Variants in SAMD13 observed in about 807,000 individuals in gnomAD.
SAMD13 encodes the protein sterile alpha motif domain containing 13.
Under a neutral mutation model 12.4 loss-of-function variants are expected in SAMD13, and 9 were observed. That is an observed-to-expected ratio of 0.72 (90% CI 0.44 to 1.26). The LOEUF is 1.26. SAMD13 is among the 50% of genes most tolerant of loss of function. SAMD13 has a pLI of 0.00. For synonymous variants in SAMD13, 46 were observed against 45.4 expected (o/e 1.01, Z -0.05); for missense variants, 84 against 119.6 (o/e 0.70, Z 1.39).
At chr1:84,343,957 T>C (rs888484293) in intron 3 of SAMD13, among the ~76,000 whole-genome samples, 8 of 152,310 alleles carry the variant, frequency 5.3e-5, no homozygotes, top group Admixed American at 3.9e-4. Context: ...GTAAATCTAC[T>C]ATTTTGAAAA....
At chr1:84,299,677 T>TATATATATA (rs768200933), upstream of SAMD13, 72 of 319,460 alleles carry the variant, frequency 2.3e-4, no homozygotes, top group East Asian at 1.1e-3. Context: ...ATATATATAT[T>TATATATATA]TATTTATTTA....
chr1:84,312,633 G>A (rs1678739964), intron 2 of SAMD13, among the ~76,000 whole-genome samples: 2 of 152,050 alleles, frequency 1.3e-5, no homozygotes, highest in Non-Finnish European at 2.9e-5. Context: ...TACTACCAGA[G>A]AGGACACATG....
At chr1:84,308,341 G>T (rs920299522) in intron 2 of SAMD13, among the ~76,000 whole-genome samples, 7 of 152,110 alleles carry the variant, frequency 4.6e-5, no homozygotes, top group African/African-American at 1.7e-4. Context: ...TAGTCTTAAG[G>T]CTATGTTGTG....
intron 3 of SAMD13, among the ~76,000 whole-genome samples, chr1:84,347,171 A>C (rs572337583): frequency 6.6e-6 from 1 of 152,348 alleles, no homozygotes; most frequent in South Asian, 2.1e-4. Flanking sequence ...GCCTGACTGT[A>C]AGCTTCATTT....
intron 2 of SAMD13, among the ~76,000 whole-genome samples, chr1:84,321,454 A>T (rs1678942272): frequency 1.3e-5 from 2 of 152,140 alleles, no homozygotes; most frequent in South Asian, 4.1e-4. Context: ...TTTTGCTATG[A>T]CGTTAGTGAA....
intron 3 of SAMD13, among the ~76,000 whole-genome samples, chr1:84,344,025 G>A (rs1442861595): frequency 6.7e-6 from 1 of 149,824 alleles, no homozygotes; most frequent in Non-Finnish European, 1.5e-5. Flanking sequence ...TGGGCCTTAT[G>A]TATTTTCCTT....
intron 3 of SAMD13, among the ~76,000 whole-genome samples, chr1:84,338,022 C>T (rs1461240713): frequency 6.6e-6 from 1 of 152,164 alleles, no homozygotes; most frequent in African/African-American, 2.4e-5. Context: ...CATCTGAGAC[C>T]ACCTCAGCCT....
intron 1 of SAMD13, chr1:84,302,900 G>T: frequency 4.1e-6 from 1 of 246,378 alleles, no homozygotes; most frequent in South Asian, 6.7e-5. Flanking sequence ...TGAGAGCTAG[G>T]CACCCAGAAG....
At chr1:84,348,505 T>C (rs955268430) in intron 3 of SAMD13, among the ~76,000 whole-genome samples, 1 of 150,756 alleles carries the variant, frequency 6.6e-6, no homozygotes, top group African/African-American at 2.4e-5. Flanking sequence ...TCACCGACCA[T>C]GCACAGCTGG....
At chr1:84,349,602 G>T (rs754064294) in intron 3 of SAMD13, 29 bp from the exon 4 acceptor site, 3 of 1,605,832 alleles carry the variant, frequency 1.9e-6, no homozygotes, top group Non-Finnish European at 2.6e-6. Context: ...GGACTCACAT[G>T]TTGGCTTTAC....
intron 3 of SAMD13, among the ~76,000 whole-genome samples, chr1:84,332,965 G>T (rs1679223137): frequency 6.6e-6 from 1 of 152,118 alleles, no homozygotes; most frequent in Non-Finnish European, 1.5e-5. Flanking sequence ...AGTTCTCCCA[G>T]CACCATTTGT....
At position 84,338,531 on chromosome 1, in the gene SAMD13, G is replaced by A. The variant is rs568676086; in HGVS notation, c.166-11100G>A. Among the ~76,000 whole-genome samples, 10 of 148,170 alleles carry A rather than the reference G, an allele frequency of 6.7e-5. No individual in the cohort carries two copies. The East Asian group carries it at 1.2e-3, about 18-fold the overall frequency. On this transcript the variant is annotated intron_variant, in intron 3 of 3. Coordinates refer to ENST00000394834, the MANE Select transcript of SAMD13 (RefSeq NM_001134663.2). The stretch of plus-strand genomic sequence containing the variant: ...CAGCTCACTCCAACCTCTGCCTCCC[G>A]GGTTCAAGTGATTCCCCTGCCTCAG...
At chr1:84,303,469 T>A (rs772414000) in intron 2 of SAMD13, 182 bp downstream of exon 2, 22 of 496,884 alleles carry the variant, frequency 4.4e-5, no homozygotes, top group Non-Finnish European at 7.4e-5. Flanking sequence ...ATTGCATTTC[T>A]AAGACAGAGA....
At chr1:84,346,087 A>G (rs1458268971) in intron 3 of SAMD13, among the ~76,000 whole-genome samples, 2 of 152,156 alleles carry the variant, frequency 1.3e-5, no homozygotes, top group Non-Finnish European at 2.9e-5. Flanking sequence ...TACCTCAATA[A>G]TACTTGCAGC....
chr1:84,306,830 A>AAATAATAATAATAATAATAATAAT (rs56408257), intron 2 of SAMD13, among the ~76,000 whole-genome samples: 19 of 144,460 alleles, frequency 1.3e-4, no homozygotes, highest in African/African-American at 4.3e-4. Flanking sequence ...CTCCGTCTCA[A>AAATAATAATAATAATAATAATAAT]AATAATAATA....
At chr1:84,319,640 AAGG>A (rs1335712990) in intron 2 of SAMD13, among the ~76,000 whole-genome samples, 1 of 150,420 alleles carries the variant, frequency 6.6e-6, no homozygotes, top group East Asian at 1.9e-4. Flanking sequence ...AAAAAAAAAA[AAGG>A]AGCATTGTTA....
intron 3 of SAMD13, among the ~76,000 whole-genome samples, chr1:84,343,543 T>C (rs1679471502): frequency 6.6e-6 from 1 of 152,196 alleles, no homozygotes; most frequent in Non-Finnish European, 1.5e-5. Context: ...AATGAGACCA[T>C]GTCATTTGCA....
intron 3 of SAMD13, chr1:84,344,576 T>C (rs937365452): frequency 7.9e-6 from 2 of 253,502 alleles, no homozygotes; most frequent in African/African-American, 4.5e-5. Context: ...CAAAAGGGCT[T>C]GGTGTAAACT....
At chr1:84,313,999 A>G (rs188127194) in intron 2 of SAMD13, among the ~76,000 whole-genome samples, 5 of 152,250 alleles carry the variant, frequency 3.3e-5, no homozygotes, top group African/African-American at 9.6e-5. Flanking sequence ...AGAAATTACT[A>G]TTTTTGCTCA....
Sources: gnomAD v4.1 joint callset for allele counts (sites outside exome capture counted in the v4.1 genomes callset) on GRCh38, gnomAD v4.1.1 for gene constraint, MANE v1.5 for transcripts, NCBI Gene and HGNC (gene_info 2026-07-23, HGNC 2026-07-21) for gene names.